Variants in COL5A1 observed in about 807,000 individuals in gnomAD.
COL5A1 encodes collagen alpha-1(V) chain.
A neutral mutation model predicts 263.7 loss-of-function variants in COL5A1; 16 were observed. The ratio of observed to expected loss-of-function variants is 0.06; its 90% CI spans 0.04 to 0.09. The LOEUF (loss-of-function observed/expected upper bound fraction) is 0.09. COL5A1 is among the 10% of genes least tolerant of loss of function. COL5A1 has a pLI of 1.00. For missense variants in COL5A1, 2,036 were observed against 2,540.5 expected, an observed-to-expected ratio of 0.80 and a Z score of 4.27; for synonymous variants, 1,012 against 1,004.5, an observed-to-expected ratio of 1.01 and a Z score of -0.14.
intron 31 of COL5A1, among the ~76,000 whole-genome samples, chr9:134,787,147 T>C (rs1330113879): frequency 1.3e-5 from 2 of 152,360 alleles, no homozygotes; most frequent in African/African-American, 4.8e-5. Context: ...ATGGGCACTT[T>C]TCCTCTCTTA....
chr9:134,778,265 C>T (rs572037884), intron 27 of COL5A1, among the ~76,000 whole-genome samples: 5 of 152,226 alleles, frequency 3.3e-5, no homozygotes, highest in African/African-American at 9.7e-5. Flanking sequence ...AGAAACCACT[C>T]GCCTCTCAGC....
chr9:134,838,594 C>A (rs1179668280), intron 65 of COL5A1, among the ~76,000 whole-genome samples: 1 of 152,212 alleles, frequency 6.6e-6, no homozygotes, highest in Non-Finnish European at 1.5e-5. Flanking sequence ...CTCTCGCCCC[C>A]TTCCCCATGG....
In COL5A1 at chr9:134,821,186, A is replaced by C. The variant is rs1389614841; in HGVS notation, c.4555-911A>C. ...GGTGTGGTGGCCCGGCAACCACGAGAATTAGAGAGGCATCCAGGGTCCCCA... is the reference window on the plus strand; with the variant it reads ...GGTGTGGTGGCCCGGCAACCACGAGCATTAGAGAGGCATCCAGGGTCCCCA... On this transcript the variant is annotated intron_variant, in intron 58 of 65. Coordinates refer to ENST00000371817, the MANE Select transcript of COL5A1 (RefSeq NM_000093.5). The surrounding 1 kb of genome is among the most constrained non-coding windows in gnomAD (Gnocchi z 4.2). Among the ~76,000 whole-genome samples the C allele has an allele frequency of 6.6e-6, 1 of 151,792 alleles. No homozygotes were observed. Among genetic ancestry groups the C allele is most frequent in the Non-Finnish European group, 1.5e-5 (1 of 67,930 alleles).
chr9:134,795,697 C>T (rs1837882800), intron 34 of COL5A1, among the ~76,000 whole-genome samples: 1 of 152,242 alleles, frequency 6.6e-6, no homozygotes, highest in South Asian at 2.1e-4. Flanking sequence ...CCAGAACCTA[C>T]AGAAAGTGCT....
rs549172686 is a variant in COL5A1, at chr9:134,788,129, C to T, written c.2647-1026C>T. 5.2e-5 allele frequency among the ~76,000 whole-genome samples: 7 copies of T among 135,536 alleles called. No individual in the cohort carries two copies. In the South Asian group the frequency reaches 1.5e-3, roughly 29 times the overall value. The allele number at this position is 135,536 out of a possible 152,430, so 88.9% of individuals were successfully genotyped here. Reference sequence around the variant, plus strand: ...GATGGGTGGGCAGGTGGGGTAGATACATAGATGGATGGATGAGTGGGCAGG... The same window carrying T: ...GATGGGTGGGCAGGTGGGGTAGATATATAGATGGATGGATGAGTGGGCAGG... On this transcript the variant is annotated intron_variant, in intron 31 of 65. Coordinates refer to ENST00000371817, the MANE Select transcript of COL5A1 (RefSeq NM_000093.5).
intron 63 of COL5A1, among the ~76,000 whole-genome samples, chr9:134,828,819 A>G (rs990978672): frequency 1.4e-5 from 2 of 146,550 alleles, no homozygotes; most frequent in Admixed American, 1.3e-4. Flanking sequence ...TACCACACAC[A>G]CACACCACAC....
At chr9:134,730,552 C>T (rs889833804) in intron 7 of COL5A1, 77 bp downstream of exon 7, 1 of 1,592,690 alleles carries the variant, frequency 6.3e-7, no homozygotes, top group African/African-American at 1.3e-5. Context: ...ATGCTGAGCT[C>T]CCTTCTTACT....
In COL5A1 at chr9:134,780,099, C is replaced by T. The variant is rs1564453831; in HGVS notation, c.2386-3C>T. On this transcript the variant is annotated splice_polypyrimidine_tract_variant and splice_region_variant and intron_variant, in intron 27 of 65. Transcript: ENST00000371817. ...ACTCCTTTTTCTTTTCCCACCCGCA[C>T]AGGGGGCCGATGGCATCCGTGGTCT... 1 of 1,613,512 alleles carries T rather than the reference C, an allele frequency of 6.2e-7. No homozygotes were observed. Among genetic ancestry groups the T allele is most frequent in the Non-Finnish European group, 8.5e-7 (1 of 1,180,024 alleles).
At chr9:134,698,312 A>G (rs1833555169) in intron 2 of COL5A1, among the ~76,000 whole-genome samples, 1 of 152,244 alleles carries the variant, frequency 6.6e-6, no homozygotes, top group African/African-American at 2.4e-5. Context: ...GAGCTGGTCA[A>G]CACAGGGTGC....
chr9:134,676,538 A>AG (rs1276829017), intron 1 of COL5A1, among the ~76,000 whole-genome samples: 1 of 115,058 alleles, frequency 8.7e-6, no homozygotes, highest in Non-Finnish European at 1.8e-5. Flanking sequence ...TCAGCCCTAA[A>AG]GGGGGGCATG....
intron 4 of COL5A1, among the ~76,000 whole-genome samples, chr9:134,717,447 AC>A (rs1834307461): frequency 6.6e-6 from 1 of 152,196 alleles, no homozygotes; most frequent in South Asian, 2.1e-4. Context: ...TGGTTTGCGA[AC>A]ACACCTGAGA....
intron 1 of COL5A1, among the ~76,000 whole-genome samples, chr9:134,674,755 G>A (rs538124017): frequency 3.3e-5 from 5 of 152,196 alleles, no homozygotes; most frequent in South Asian, 4.1e-4. Context: ...GTATAGTGGC[G>A]CATGTAATCC....
At chr9:134,712,089 T>TCCTGCCTC (rs1834070830) in intron 4 of COL5A1, among the ~76,000 whole-genome samples, 1 of 95,152 alleles carries the variant, frequency 1.1e-5, no homozygotes, top group African/African-American at 4.4e-5. Context: ...CTTCCTGCCT[T>TCCTGCCTC]CCTTCTTCCT....
At chr9:134,826,610 G>A (rs1157565153) in intron 63 of COL5A1, among the ~76,000 whole-genome samples, 6 of 148,524 alleles carry the variant, frequency 4.0e-5, no homozygotes, top group African/African-American at 1.5e-4. Flanking sequence ...TATGTGGATG[G>A]TGTGTGTGTA....
intron 1 of COL5A1, among the ~76,000 whole-genome samples, chr9:134,673,957 G>A (rs1230121330): frequency 6.6e-6 from 1 of 152,138 alleles, no homozygotes; most frequent in Non-Finnish European, 1.5e-5. Flanking sequence ...ACATGCATCT[G>A]AAAAGATGTT....
chr9:134,660,950 G>A (rs1832184165), intron 1 of COL5A1, among the ~76,000 whole-genome samples: 2 of 152,172 alleles, frequency 1.3e-5, no homozygotes, highest in African/African-American at 4.8e-5. Flanking sequence ...GAATTGCTAT[G>A]TTTTGAAGTA....
intron 26 of COL5A1, among the ~76,000 whole-genome samples, chr9:134,774,218 G>A (rs1836969948): frequency 6.6e-6 from 1 of 152,228 alleles, no homozygotes. Flanking sequence ...GACCGGGCCC[G>A]GGCCTCAGAG....
intron 12 of COL5A1, 51 bp from the exon 13 acceptor site, chr9:134,750,739 C>T (rs774568049): frequency 4.1e-5 from 66 of 1,604,582 alleles, no homozygotes; most frequent in Non-Finnish European, 8.5e-6. Context: ...TGTGGTCTTG[C>T]CTGGGTGCCA....
chr9:134,685,371 TCACCCATC>T (rs1833007741), intron 1 of COL5A1, among the ~76,000 whole-genome samples: 1 of 81,268 alleles, frequency 1.2e-5, no homozygotes, highest in African/African-American at 5.0e-5. Flanking sequence ...CACCATCCAT[TCACCCATC>T]CATTCATCCA....
Sources: gnomAD v4.1 joint callset for allele counts (sites outside exome capture counted in the v4.1 genomes callset) on GRCh38, gnomAD v4.1.1 for gene constraint, Gnocchi (gnomAD v3.1) non-coding constraint, MANE v1.5 for transcripts, NCBI Gene and HGNC (gene_info 2026-07-23, HGNC 2026-07-21) for gene names.